Variants in DISC1 observed in about 807,000 individuals in gnomAD.
DISC1 encodes the protein DISC1 scaffold protein.
Under a neutral mutation model 84.5 loss-of-function variants are expected in DISC1, and 57 were observed. The observed-to-expected ratio is 0.67, with a 90% CI of 0.55 to 0.84. The LOEUF is 0.84. Among genes scored for constraint, DISC1 ranks in the 40% least tolerant of loss-of-function variants. The pLI is 0.00. For missense variants in DISC1, 1,000 were observed against 1,057.8 expected (o/e 0.95, Z 0.76); for synonymous variants, 411 against 415.2 (o/e 0.99, Z 0.12).
intron 3 of DISC1, among the ~76,000 whole-genome samples, chr1:231,715,344 G>A (rs1181155945): frequency 6.6e-6 from 1 of 152,204 alleles, no homozygotes; most frequent in Admixed American, 6.5e-5. Context: ...TGTTAAAAAT[G>A]CATAAAGAAG....
At chr1:231,793,879 A>G (rs1037343110) in intron 6 of DISC1, among the ~76,000 whole-genome samples, 6 of 152,202 alleles carry the variant, frequency 3.9e-5, no homozygotes, top group African/African-American at 1.4e-4. Flanking sequence ...CACTACTAGG[A>G]TTAAACAAAT....
chr1:231,678,036 T>G (rs1372702056), intron 1 of DISC1, among the ~76,000 whole-genome samples: 1 of 152,036 alleles, frequency 6.6e-6, no homozygotes, highest in Non-Finnish European at 1.5e-5. Flanking sequence ...TCTGTGAATA[T>G]TAAACTGGTA....
intron 9 of DISC1, among the ~76,000 whole-genome samples, chr1:231,923,307 C>CAAA (rs1461560372): frequency 7.2e-6 from 1 of 138,534 alleles, no homozygotes; most frequent in African/African-American, 2.7e-5. Flanking sequence ...CAAAAAAAAC[C>CAAA]AAAAAAAAAA....
In DISC1 at chr1:231,771,665, A is replaced by G. The variant is rs2076559701; in HGVS notation, c.1634+595A>G. On this transcript the variant is annotated intron_variant, in intron 6 of 12. Coordinates refer to ENST00000439617, the MANE Select transcript of DISC1 (RefSeq NM_018662.3). Reference sequence around the variant, plus strand: ...AATTTGCCCAAAGTCCTAATTAATAAGAGAGAAAACTGATATTTACACTCC... The same window carrying G: ...AATTTGCCCAAAGTCCTAATTAATAGGAGAGAAAACTGATATTTACACTCC... 4.6e-6 allele frequency: 4 copies of G among 874,768 alleles called. No individual in the cohort carries two copies. In the South Asian group the frequency reaches 1.6e-4, roughly 34 times the overall value. The allele number at this position is 874,768 out of a possible 1,614,324, so 54.2% of individuals were successfully genotyped here. A position where few individuals can be genotyped will look rare whatever the true frequency, so the allele number is the denominator to read the frequency against.
intron 9 of DISC1, among the ~76,000 whole-genome samples, chr1:231,921,022 T>C (rs1284782445): frequency 1.3e-5 from 2 of 150,968 alleles, no homozygotes; most frequent in African/African-American, 2.4e-5. Flanking sequence ...TTCCCCTGCC[T>C]CAGCCTCCCA....
intron 9 of DISC1, among the ~76,000 whole-genome samples, chr1:231,889,690 A>T (rs926209227): frequency 3.3e-5 from 5 of 152,010 alleles, no homozygotes; most frequent in African/African-American, 1.2e-4. Flanking sequence ...TCTGACACTC[A>T]ATCTAGAGCT....
chr1:232,016,874 C>G (rs1470183699), intron 11 of DISC1, among the ~76,000 whole-genome samples: 1 of 152,034 alleles, frequency 6.6e-6, no homozygotes, highest in Admixed American at 6.5e-5. Flanking sequence ...AGGGAGTAAC[C>G]GTATAATTTG....
At chr1:231,881,586 G>A (rs1200051980) in intron 9 of DISC1, among the ~76,000 whole-genome samples, 3 of 152,018 alleles carry the variant, frequency 2.0e-5, no homozygotes, top group African/African-American at 7.3e-5. Context: ...AGGGGTTAAG[G>A]TCTCCAACAG....
chr1:231,719,171 C>A (rs1573207780), intron 3 of DISC1, among the ~76,000 whole-genome samples: 1 of 152,258 alleles, frequency 6.6e-6, no homozygotes, highest in East Asian at 1.9e-4. Context: ...CTTTTGAGTG[C>A]TTGGTATATT....
chr1:231,951,071 C>T (rs1658287292), intron 9 of DISC1, among the ~76,000 whole-genome samples: 1 of 152,198 alleles, frequency 6.6e-6, no homozygotes, highest in Non-Finnish European at 1.5e-5. Flanking sequence ...TTACTTTTTT[C>T]ATGGACAACT....
At chr1:231,804,108 A>C (rs2079520229) in intron 8 of DISC1, among the ~76,000 whole-genome samples, 1 of 152,114 alleles carries the variant, frequency 6.6e-6, no homozygotes, top group Non-Finnish European at 1.5e-5. Flanking sequence ...CCAAAGGAGG[A>C]GTATTAAAGA....
At chr1:231,960,772 C>A (rs1413275488) in intron 10 of DISC1, among the ~76,000 whole-genome samples, 1 of 152,194 alleles carries the variant, frequency 6.6e-6, no homozygotes, top group Non-Finnish European at 1.5e-5. Flanking sequence ...CTGGAGACAG[C>A]ATCAGATGCC....
At chr1:231,664,127 A>G (rs185648214) in intron 1 of DISC1, among the ~76,000 whole-genome samples, 24 of 152,194 alleles carry the variant, frequency 1.6e-4, no homozygotes, top group Admixed American at 5.2e-4. Flanking sequence ...AGGAGAAGCT[A>G]TGCTTATCCC....
At chr1:231,753,243 A>C (rs1013431209) in intron 4 of DISC1, among the ~76,000 whole-genome samples, 1 of 152,272 alleles carries the variant, frequency 6.6e-6, no homozygotes, top group African/African-American at 2.4e-5. Context: ...CCTGCCCTGC[A>C]GCAGACTTCT....
At chr1:231,925,707 GA>G (rs1329062648) in intron 9 of DISC1, 2 of 152,188 alleles carry the variant, frequency 1.3e-5, no homozygotes, top group African/African-American at 4.8e-5. Flanking sequence ...GAAATCCAAT[GA>G]TTAGTATTTT....
chr1:231,786,402 C>A (rs1185760884), intron 6 of DISC1, among the ~76,000 whole-genome samples: 1 of 152,088 alleles, frequency 6.6e-6, no homozygotes, highest in East Asian at 1.9e-4. Context: ...CTGCAGAGGT[C>A]CAGATAAGAA....
intron 10 of DISC1, among the ~76,000 whole-genome samples, chr1:231,962,191 C>T (rs1298730742): frequency 6.6e-6 from 1 of 152,062 alleles, no homozygotes; most frequent in Non-Finnish European, 1.5e-5. Context: ...TGAGAAGTAC[C>T]TGTTCATATC....
At chr1:231,641,495 G>A (rs973639188) in intron 1 of DISC1, among the ~76,000 whole-genome samples, 9 of 152,176 alleles carry the variant, frequency 5.9e-5, no homozygotes, top group Non-Finnish European at 1.0e-4. Context: ...GCTCATAAAG[G>A]CAGTGTGGAC....
intron 3 of DISC1, chr1:231,722,542 G>T (rs1342693019): frequency 6.2e-7 from 1 of 1,614,130 alleles, no homozygotes; most frequent in East Asian, 2.2e-5. Context: ...TTGGCAGCTG[G>T]AACCAATTGC....
Sources: allele counts gnomAD v4.1 joint callset (sites outside exome capture counted in the v4.1 genomes callset), GRCh38; gene constraint gnomAD v4.1.1; transcripts MANE v1.5; gene names NCBI Gene and HGNC (gene_info 2026-07-23, HGNC 2026-07-21).